The following SPIN1 variants were observed in gnomAD, a reference collection of about 807,000 sequenced individuals.
SPIN1 encodes spindlin 1.
In SPIN1, 3 loss-of-function variants were observed where a neutral mutation model predicts 26.0. The observed-to-expected ratio is 0.12, with a 90% CI of 0.05 to 0.30. SPIN1 has a LOEUF of 0.30. SPIN1 is among the 10% of genes least tolerant of loss of function. The probability of loss-of-function intolerance (pLI) is 1.00; values close to 1 mark genes in which losing one functional copy is unlikely to be tolerated. For missense variants in SPIN1, 126 were observed against 333.4 expected (o/e 0.38, Z 4.84); for synonymous variants, 101 against 116.5 (o/e 0.87, Z 0.86).
At chr9:88,418,826 G>T (rs1827618088) in intron 1 of SPIN1, 1 of 152,100 alleles carries the variant, frequency 6.6e-6, no homozygotes, top group African/African-American at 2.4e-5. Context: ...CCCTGACCAA[G>T]TTATTTTAAT....
At chr9:88,414,418 G>T (rs146937314) in intron 1 of SPIN1, among the ~76,000 whole-genome samples, 7 of 152,274 alleles carry the variant, frequency 4.6e-5, no homozygotes, top group African/African-American at 1.7e-4. Context: ...TCCCTCTCAG[G>T]ACATTTCAGG....
At chr9:88,391,947 A>G (rs1451092367) in intron 1 of SPIN1, 4 of 152,254 alleles carry the variant, frequency 2.6e-5, no homozygotes, top group African/African-American at 4.8e-5. Context: ...TGACCCAGAA[A>G]GAGCCTGAAA....
intron 1 of SPIN1, chr9:88,411,567 G>A (rs905942954): frequency 1.7e-6 from 1 of 601,182 alleles, no homozygotes; most frequent in Admixed American, 3.0e-5. Flanking sequence ...AGGCTAGAGT[G>A]CAGTGGCATG....
At position 88,468,359 on chromosome 9, in the gene SPIN1, T is replaced by C; in HGVS notation, c.356-13T>C. 2 of 1,518,642 alleles carry C rather than the reference T, an allele frequency of 1.3e-6. No homozygotes were observed. Among genetic ancestry groups the C allele is most frequent in the South Asian group, 1.3e-5 (1 of 76,070 alleles). The allele number at this position is 1,518,642 out of a possible 1,614,324, so 94.1% of individuals were successfully genotyped here. A position where few individuals can be genotyped will look rare whatever the true frequency, so the allele number is the denominator to read the frequency against. On this transcript the variant is annotated splice_polypyrimidine_tract_variant and intron_variant, in intron 4 of 5. Transcript: ENST00000375859. ...CACTTTGTCAACTTTTTTTTTTTTT[T>C]TTTAATCCCCAGCGACATCTCGAAT...
intron 1 of SPIN1, among the ~76,000 whole-genome samples, chr9:88,412,690 AT>A (rs965824232): frequency 9.2e-4 from 134 of 146,182 alleles, no homozygotes; most frequent in Non-Finnish European, 8.2e-4. Flanking sequence ...TTTGTCAGTA[AT>A]TTTTTTTTTT....
chr9:88,415,217 A>G (rs962826584), intron 1 of SPIN1, among the ~76,000 whole-genome samples: 9 of 152,026 alleles, frequency 5.9e-5, no homozygotes, highest in African/African-American at 9.7e-5. Flanking sequence ...TAATTTTTAT[A>G]TTGATAGAGA....
At chr9:88,404,644 A>G (rs2117925609) in intron 1 of SPIN1, among the ~76,000 whole-genome samples, 1 of 152,174 alleles carries the variant, frequency 6.6e-6, no homozygotes, top group South Asian at 2.1e-4. Flanking sequence ...GGCCAGGCGC[A>G]GTGGTTCATG....
intron 2 of SPIN1, among the ~76,000 whole-genome samples, chr9:88,440,232 T>C (rs946944809): frequency 1.3e-5 from 2 of 151,092 alleles, no homozygotes; most frequent in African/African-American, 4.9e-5. Flanking sequence ...TCCACTCTTT[T>C]CTGCCTTCTC....
At chr9:88,436,031 G>T (rs1030662409) in intron 2 of SPIN1, among the ~76,000 whole-genome samples, 4 of 152,176 alleles carry the variant, frequency 2.6e-5, no homozygotes, top group African/African-American at 7.2e-5. Flanking sequence ...CAGGTACGAA[G>T]TTCAGAGTTC....
At chr9:88,462,139 TTTAA>T (rs1828588857) in intron 3 of SPIN1, among the ~76,000 whole-genome samples, 1 of 152,138 alleles carries the variant, frequency 6.6e-6, no homozygotes, top group African/African-American at 2.4e-5. Flanking sequence ...TCAGTCCTTC[TTTAA>T]TTAACTTGGA....
chr9:88,445,701 T>G (rs1313607451), intron 2 of SPIN1, among the ~76,000 whole-genome samples: 1 of 151,702 alleles, frequency 6.6e-6, no homozygotes, highest in Non-Finnish European at 1.5e-5. Flanking sequence ...CAGCTTTTTT[T>G]TTTCCCCCCG....
chr9:88,421,516 A>G (rs1178338801), intron 1 of SPIN1, among the ~76,000 whole-genome samples: 3 of 152,062 alleles, frequency 2.0e-5, no homozygotes, highest in Non-Finnish European at 4.4e-5. Context: ...CCTGGGCTCA[A>G]GTGATCTACT....
chr9:88,475,067 T>G lies in SPIN1; in HGVS notation c.590-11T>G. On this transcript the variant is annotated splice_polypyrimidine_tract_variant and intron_variant, in intron 5 of 5. Coordinates refer to ENST00000375859, the MANE Select transcript of SPIN1 (RefSeq NM_006717.3). ...TCTCTCTTTTTTTTTTTTTTTTTTT[T>G]TTTAATATAGATGATTCACCTCCAG... is the stretch of plus-strand genomic sequence containing the variant. The G allele has an allele frequency of 7.1e-7, 1 of 1,402,104 alleles. No individual in the cohort carries two copies. Among genetic ancestry groups the G allele is most frequent in the South Asian group, 1.7e-5 (1 of 58,194 alleles). The allele number at this position is 1,402,104 out of a possible 1,614,324, so 86.9% of individuals were successfully genotyped here. A position where few individuals can be genotyped will look rare whatever the true frequency, so the allele number is the denominator to read the frequency against.
At chr9:88,452,153 C>T (rs553926257) in intron 3 of SPIN1, among the ~76,000 whole-genome samples, 8 of 152,260 alleles carry the variant, frequency 5.3e-5, no homozygotes, top group East Asian at 1.9e-4. Flanking sequence ...ACAAAAGTGT[C>T]GTTGTACTCC....
intron 2 of SPIN1, among the ~76,000 whole-genome samples, chr9:88,444,256 T>G (rs1828198273): frequency 6.8e-6 from 1 of 148,080 alleles, no homozygotes; most frequent in Admixed American, 6.7e-5. Flanking sequence ...TTTTTTTTTT[T>G]TTGAGACAGA....
At chr9:88,446,413 T>G (rs78259652) in intron 2 of SPIN1, among the ~76,000 whole-genome samples, 14 of 137,574 alleles carry the variant, frequency 1.0e-4, no homozygotes, top group African/African-American at 4.9e-4. Context: ...TTGCTGTTTT[T>G]TTTTTTTTTT....
rs1827172844 is a variant in SPIN1, at chr9:88,400,893, G to A, written c.-159+12355G>A. Among the ~76,000 whole-genome samples the A allele has an allele frequency of 2.0e-5, 3 of 151,730 alleles. No individual in the cohort carries two copies. In the South Asian group the frequency reaches 6.2e-4, roughly 32 times the overall value. On this transcript the variant is annotated intron_variant, in intron 1 of 5. Coordinates refer to ENST00000375859, the MANE Select transcript of SPIN1 (RefSeq NM_006717.3). ...CCGGGTGTGGTGGCTTGTGCCTGTA[G>A]TTTTAGTTACTCGGGAGGCTGAGGT...
chr9:88,414,657 A>G (rs566543330), intron 1 of SPIN1, among the ~76,000 whole-genome samples: 193 of 152,346 alleles, frequency 1.3e-3, no homozygotes, highest in Non-Finnish European at 2.4e-3. Flanking sequence ...TTGAGCTACA[A>G]CAAATGCAAT....
At chr9:88,461,947 T>G (rs953262328) in intron 3 of SPIN1, among the ~76,000 whole-genome samples, 1 of 152,242 alleles carries the variant, frequency 6.6e-6, no homozygotes, top group Non-Finnish European at 1.5e-5. Context: ...TATAAGCTAG[T>G]CTGGACTTCA....
Sources: allele counts gnomAD v4.1 joint callset (sites outside exome capture counted in the v4.1 genomes callset), GRCh38; gene constraint gnomAD v4.1.1; transcripts MANE v1.5; gene names NCBI Gene and HGNC (gene_info 2026-07-23, HGNC 2026-07-21).